The following LRBA variants were observed in gnomAD, a reference collection of about 807,000 sequenced individuals.
The protein encoded by LRBA is LPS responsive beige-like anchor protein.
LRBA carries 176 observed loss-of-function variants against 330.0 expected under a neutral mutation model. The ratio of observed to expected loss-of-function variants is 0.53; its 90% CI spans 0.47 to 0.60. The LOEUF (loss-of-function observed/expected upper bound fraction) is 0.60. LRBA is among the 20% of genes least tolerant of loss of function. LRBA has a pLI of 0.00. For synonymous variants in LRBA, 1,230 were observed against 1,193.0 expected, an observed-to-expected ratio of 1.03 and a Z score of -0.64; for missense variants, 3,259 against 3,444.8, an observed-to-expected ratio of 0.95 and a Z score of 1.35.
At chr4:150,526,269 T>G (rs1175233862) in intron 40 of LRBA, among the ~76,000 whole-genome samples, 1 of 152,222 alleles carries the variant, frequency 6.6e-6, no homozygotes, top group Non-Finnish European at 1.5e-5. Context: ...GGCTGTTTTC[T>G]GGTTAACCAT....
At chr4:150,591,162 A>AT in intron 38 of LRBA, among the ~76,000 whole-genome samples, 1 of 152,318 alleles carries the variant, frequency 6.6e-6, no homozygotes, top group Non-Finnish European at 1.5e-5. Flanking sequence ...CAGTACTTTT[A>AT]TTGAAAATTC....
chr4:150,559,673 TATATA>T (rs1488461308), intron 40 of LRBA, among the ~76,000 whole-genome samples: 8 of 84,908 alleles, frequency 9.4e-5, no homozygotes, highest in East Asian at 5.9e-4. Context: ...ATATATATAT[TATATA>T]ATATATTATA....
intron 2 of LRBA, among the ~76,000 whole-genome samples, chr4:151,003,397 A>T (rs368236908): frequency 6.6e-3 from 6 of 904 alleles, no homozygotes; most frequent in African/African-American, 7.3e-3. Context: ...ATTCGGTTTC[A>T]AAAAAAAAAA....
chr4:150,912,382 T>C (rs1023738406), intron 9 of LRBA, among the ~76,000 whole-genome samples: 4 of 152,192 alleles, frequency 2.6e-5, no homozygotes, highest in Non-Finnish European at 4.4e-5. Context: ...GGGATCTAGA[T>C]TGTGTGCTCC....
Position 150,850,826 on chromosome 4 carries a change from G to C in LRBA, c.3902C>G (p.Ser1301Cys), listed in dbSNP as rs146897108. Residue 1301 changes from serine (S) to cysteine (C), a missense_variant, in exon 24 of 57, where the codon TCT becomes TGT. Coordinates refer to ENST00000651943, the MANE Select transcript of LRBA (RefSeq NM_001364905.1). ...GAACTCAGGAATACGAAACACAGTA[G>C]ATCTGGAATCCCTCCTTTGTCCATT... ...AVNGQRRDSR[S>C]TVFRIPEFNW... 7 of 1,613,876 alleles carry C rather than the reference G, an allele frequency of 4.3e-6. No homozygotes were observed. The African/African-American group carries it at 9.3e-5, about 22-fold the overall frequency.
chr4:150,524,502 T>C (rs192859069), intron 40 of LRBA, among the ~76,000 whole-genome samples: 186 of 152,202 alleles, frequency 1.2e-3, no homozygotes, highest in Admixed American at 2.6e-3. Flanking sequence ...TTCTACCCAA[T>C]AGAAAATAAA....
At chr4:150,856,801 T>A (rs1751275299) in intron 22 of LRBA, among the ~76,000 whole-genome samples, 1 of 152,216 alleles carries the variant, frequency 6.6e-6, no homozygotes, top group Non-Finnish European at 1.5e-5. Flanking sequence ...ATCTTCACAA[T>A]CATTTGATAG....
chr4:150,828,300 C>T lies in LRBA; in HGVS notation c.5051G>A (p.Ser1684Asn). ...TCCATCTGCTGGTATGTTAACCAAG[C>T]TTCGGAGAATGTCTTTCACATTGAC... ...KNVNVKDILRSLVNIPADGVT... is the reference protein window; with the variant it reads ...KNVNVKDILRNLVNIPADGVT... The change falls in exon 30 of 57, where the codon AGC (serine) becomes AAC (asparagine). Residue 1684 changes from serine (S) to asparagine (N), a missense_variant. Physicochemically the swap from Ser to Asn is conservative, Grantham distance 46. Transcript: ENST00000651943. The T allele has an allele frequency of 6.2e-7, 1 of 1,614,170 alleles. No individual in the cohort carries two copies. Among genetic ancestry groups the T allele is most frequent in the Non-Finnish European group, 8.5e-7 (1 of 1,180,006 alleles).
chr4:150,294,680 A>G (rs185008070), intron 53 of LRBA, among the ~76,000 whole-genome samples: 32 of 152,316 alleles, frequency 2.1e-4, no homozygotes, highest in Admixed American at 1.1e-3. Context: ...GGCCAGGCGC[A>G]GTGGCTCACG....
chr4:150,424,139 A>T (rs1489891306), intron 46 of LRBA, among the ~76,000 whole-genome samples: 1 of 152,214 alleles, frequency 6.6e-6, no homozygotes. Flanking sequence ...TTTCTAAGAA[A>T]CTAATAGTGA....
intron 48 of LRBA, among the ~76,000 whole-genome samples, chr4:150,339,927 T>TC (rs1422873481): frequency 6.7e-6 from 1 of 148,392 alleles, no homozygotes; most frequent in African/African-American, 2.5e-5. Flanking sequence ...GTTCCCACAA[T>TC]CCCCACATCG....
At chr4:150,754,307 C>A (rs1363437697) in intron 35 of LRBA, among the ~76,000 whole-genome samples, 5 of 144,270 alleles carry the variant, frequency 3.5e-5, no homozygotes. Context: ...AAATTCTAAT[C>A]TTCTTTGATA....
chr4:150,619,485 C>T (rs1437408153), intron 37 of LRBA, among the ~76,000 whole-genome samples: 2 of 152,100 alleles, frequency 1.3e-5, no homozygotes, highest in Non-Finnish European at 2.9e-5. Flanking sequence ...AAACACTTTT[C>T]CTAACAGTAA....
chr4:150,391,355 C>T (rs536590515), intron 47 of LRBA, among the ~76,000 whole-genome samples: 117 of 152,264 alleles, frequency 7.7e-4, no homozygotes, highest in African/African-American at 2.6e-3. Context: ...TTAACCACTA[C>T]TTTTTGGTCT....
At chr4:150,894,399 T>C (rs1336730269) in intron 16 of LRBA, among the ~76,000 whole-genome samples, 4 of 152,182 alleles carry the variant, frequency 2.6e-5, no homozygotes, top group South Asian at 2.1e-4. Context: ...ACCACTAATA[T>C]GTGGTAGTAT....
Position 150,590,361 on chromosome 4 carries a change from C to CA in LRBA, c.6193+351dup, listed in dbSNP as rs5862927. On this transcript the variant is annotated intron_variant, in intron 39 of 56. Transcript: ENST00000651943. ...CTTCTCTCCTTCCAAGCTTTATTTA[C>CA]AAAAAAAAAAAAAAAAAACTGGCAG... Among the ~76,000 whole-genome samples the CA allele has an allele frequency of 6.3e-3, 780 of 122,850 alleles. 4 individuals are homozygous for CA. The highest frequency in any genetic ancestry group is 0.02 in the Middle Eastern group (5 of 248). 80.6% of individuals were successfully genotyped at this position (122,850 alleles called of 152,430 possible).
intron 44 of LRBA, among the ~76,000 whole-genome samples, chr4:150,447,167 T>C (rs1240197325): frequency 6.6e-6 from 1 of 152,198 alleles, no homozygotes; most frequent in Admixed American, 6.5e-5. Context: ...CTTCCCTTTA[T>C]CAACTGGAAA....
intron 2 of LRBA, among the ~76,000 whole-genome samples, chr4:150,970,226 G>A (rs1056643897): frequency 6.6e-6 from 1 of 152,052 alleles, no homozygotes; most frequent in African/African-American, 2.4e-5. Flanking sequence ...TAGGCTGGGT[G>A]TGATGGCTCA....
intron 28 of LRBA, 128 bp downstream of exon 28, chr4:150,843,972 C>T (rs965919869): frequency 2.5e-5 from 14 of 562,320 alleles, no homozygotes; most frequent in African/African-American, 9.2e-5. Context: ...CAAAAGAAGT[C>T]GTTTCTAGAC....
Sources: gnomAD v4.1 joint callset for allele counts (sites outside exome capture counted in the v4.1 genomes callset) on GRCh38, gnomAD v4.1.1 for gene constraint, MANE v1.5 for transcripts, NCBI Gene and HGNC (gene_info 2026-07-23, HGNC 2026-07-21) for gene names.